DCDC2C: variants seen among roughly 807,000 people sequenced by gnomAD.
The protein encoded by DCDC2C is doublecortin domain-containing protein 2C.
In DCDC2C, 44 loss-of-function variants were observed where a neutral mutation model predicts 45.0. The observed-to-expected ratio is 0.98, with a 90% CI of 0.77 to 1.26. DCDC2C has a LOEUF of 1.26. Among genes scored for constraint, DCDC2C ranks in the 50% most tolerant of loss-of-function variants. The pLI is 0.00. For missense variants in DCDC2C, 447 were observed against 468.9 expected (o/e 0.95, Z 0.43); for synonymous variants, 187 against 178.8 (o/e 1.05, Z -0.37).
At chr2:3,746,552 GC>G (rs1190860464) in intron 4 of DCDC2C, among the ~76,000 whole-genome samples, 3 of 152,296 alleles carry the variant, frequency 2.0e-5, no homozygotes, top group African/African-American at 7.2e-5. Context: ...TTTCTCTGAG[GC>G]TAAAGTGGAA....
intron 10 of DCDC2C, among the ~76,000 whole-genome samples, chr2:3,804,506 C>A (rs188704315): frequency 6.6e-6 from 1 of 152,136 alleles, no homozygotes; most frequent in South Asian, 2.1e-4. Flanking sequence ...TTTTTAGAAA[C>A]ATTTTATTGT....
At chr2:3,764,922 A>G (rs905084448) in intron 6 of DCDC2C, among the ~76,000 whole-genome samples, 1 of 152,242 alleles carries the variant, frequency 6.6e-6, no homozygotes, top group Admixed American at 6.5e-5. Flanking sequence ...ATAGATGAAA[A>G]TACTATATCA....
chr2:3,738,064 T>C (rs952471996), intron 3 of DCDC2C, among the ~76,000 whole-genome samples: 1 of 152,042 alleles, frequency 6.6e-6, no homozygotes, highest in Non-Finnish European at 1.5e-5. Context: ...GTCTCCCAAA[T>C]TAAAAATTAA....
intron 9 of DCDC2C, among the ~76,000 whole-genome samples, chr2:3,783,035 G>A (rs1670558388): frequency 6.6e-6 from 1 of 152,202 alleles, no homozygotes; most frequent in African/African-American, 2.4e-5. Flanking sequence ...TCTCCGTGCG[G>A]TCTGTAGCCA....
chr2:3,767,004 T>A (rs775962689), intron 6 of DCDC2C, among the ~76,000 whole-genome samples: 5 of 152,232 alleles, frequency 3.3e-5, no homozygotes, highest in Non-Finnish European at 5.9e-5. Context: ...CCCTCTGCAG[T>A]GGACGGCGAT....
intron 2 of DCDC2C, among the ~76,000 whole-genome samples, chr2:3,712,074 A>C (rs554529354): frequency 6.6e-6 from 1 of 152,190 alleles, no homozygotes; most frequent in African/African-American, 2.4e-5. Flanking sequence ...TTGCCTGGAC[A>C]CATGTCAATG....
rs1669869444 is a variant in DCDC2C, at chr2:3,761,120, T to G, written c.726+6486T>G. Among the ~76,000 whole-genome samples the G allele has an allele frequency of 6.6e-6, 1 of 152,202 alleles. No individual in the cohort carries two copies. Among genetic ancestry groups the G allele is most frequent in the Non-Finnish European group, 1.5e-5 (1 of 68,028 alleles). On this transcript the variant is annotated intron_variant, in intron 6 of 10. Transcript: ENST00000399143. The surrounding 1 kb of genome is among the most constrained non-coding windows in gnomAD (Gnocchi z 4.3). ...GCATTCAGTTTTACGGGAACTGCAT[T>G]TACTGTGATTTTAATAGCTATTGCC...
chr2:3,784,024 CA>C (rs911905533), intron 9 of DCDC2C, among the ~76,000 whole-genome samples: 21 of 152,186 alleles, frequency 1.4e-4, no homozygotes, highest in African/African-American at 4.6e-4. Flanking sequence ...ATAAGACAAA[CA>C]GGAAATTCAC....
chr2:3,843,703 T>A (rs965051710), intron 10 of DCDC2C, among the ~76,000 whole-genome samples: 1 of 152,234 alleles, frequency 6.6e-6, no homozygotes, highest in African/African-American at 2.4e-5. Context: ...TTTCTTTCTT[T>A]TTCATTTTAC....
At chr2:3,794,575 C>G (rs1210374460) in intron 10 of DCDC2C, among the ~76,000 whole-genome samples, 2 of 150,896 alleles carry the variant, frequency 1.3e-5, no homozygotes, top group African/African-American at 4.9e-5. Flanking sequence ...TCCATGTGTT[C>G]TCATTGCTCA....
chr2:3,706,772 A>G (rs1572545515), intron 1 of DCDC2C, among the ~76,000 whole-genome samples: 1 of 152,344 alleles, frequency 6.6e-6, no homozygotes, highest in African/African-American at 2.4e-5. Context: ...GAAAGAGGAA[A>G]AGTGGGTGGA....
At chr2:3,707,002 C>T (rs1317165910) in intron 1 of DCDC2C, among the ~76,000 whole-genome samples, 1 of 152,224 alleles carries the variant, frequency 6.6e-6, no homozygotes, top group Non-Finnish European at 1.5e-5. Context: ...CACGGATTCT[C>T]ATGGGTGGTT....
At chr2:3,722,368 C>G (rs567133994) in intron 2 of DCDC2C, among the ~76,000 whole-genome samples, 18 of 152,308 alleles carry the variant, frequency 1.2e-4, no homozygotes, top group African/African-American at 4.3e-4. Flanking sequence ...ATGATATAAC[C>G]TCTCTGATTC....
intron 10 of DCDC2C, among the ~76,000 whole-genome samples, chr2:3,826,615 G>A (rs2085071): frequency 6.6e-6 from 1 of 152,176 alleles, no homozygotes; most frequent in South Asian, 2.1e-4. Context: ...AAGCGTGCTA[G>A]CTGGCACTCG....
chr2:3,791,688 A>G (rs1456617885), intron 10 of DCDC2C, among the ~76,000 whole-genome samples: 5 of 151,940 alleles, frequency 3.3e-5, no homozygotes, highest in Non-Finnish European at 5.9e-5. Context: ...GGGCCTGATG[A>G]CCCTCACACC....
intron 10 of DCDC2C, among the ~76,000 whole-genome samples, chr2:3,820,711 T>C (rs1406116953): frequency 6.6e-6 from 1 of 151,692 alleles, no homozygotes; most frequent in Non-Finnish European, 1.5e-5. Context: ...GACGGGGAGA[T>C]TGGAGGGTAG....
Position 3,767,850 on chromosome 2 carries a change from T to C in DCDC2C, c.823T>C (p.Leu275=). Residue 275 remains leucine, a synonymous_variant, in exon 7 of 11, where the codon TTG becomes CTG. Coordinates refer to ENST00000399143, the MANE Select transcript of DCDC2C (RefSeq NM_001287444.2). ...YYAKEEKKKT[L]AEPLVQRGAE... ...TGCCAAAGAAGAAAAGAAGAAAACA[T>C]TGGCAGAACCTTTAGTCCAAAGGGG... 2 of 1,542,286 alleles carry C rather than the reference T, an allele frequency of 1.3e-6. No individual in the cohort carries two copies. Among genetic ancestry groups the C allele is most frequent in the Non-Finnish European group, 1.7e-6 (2 of 1,144,388 alleles).
intron 10 of DCDC2C, among the ~76,000 whole-genome samples, chr2:3,810,006 G>T (rs954417963): frequency 6.6e-6 from 1 of 152,132 alleles, no homozygotes; most frequent in Admixed American, 6.5e-5. Flanking sequence ...ATGGGCATTT[G>T]GGTTTGTTCC....
chr2:3,752,457 GTTA>G (rs1241541160), intron 4 of DCDC2C: 3 of 368,176 alleles, frequency 8.1e-6, no homozygotes, highest in African/African-American at 2.1e-5. Flanking sequence ...AATTTTAGCT[GTTA>G]TTAGTTAAAA....
Sources: gnomAD v4.1 joint callset for allele counts (sites outside exome capture counted in the v4.1 genomes callset) on GRCh38, gnomAD v4.1.1 for gene constraint, Gnocchi (gnomAD v3.1) non-coding constraint, MANE v1.5 for transcripts, NCBI Gene and HGNC (gene_info 2026-07-23, HGNC 2026-07-21) for gene names.